Variants in CSTF3 observed in about 807,000 individuals in gnomAD.
CSTF3 encodes the protein CF-1 77 kDa subunit.
In CSTF3, 29 loss-of-function variants were observed where a neutral mutation model predicts 105.8. The ratio of observed to expected loss-of-function variants is 0.27; its 90% CI spans 0.20 to 0.37. The LOEUF (loss-of-function observed/expected upper bound fraction) is 0.37. Ranked by LOEUF, CSTF3 falls within the 10% of genes least tolerant of loss-of-function variation. The probability of loss-of-function intolerance (pLI) is 1.00; values close to 1 mark genes in which losing one functional copy is unlikely to be tolerated. For missense variants in CSTF3, 357 were observed against 879.3 expected (o/e 0.41, Z 7.51); for synonymous variants, 252 against 281.9 (o/e 0.89, Z 1.06).
At chr11:33,150,562 A>C (rs1033034742) in intron 1 of CSTF3, among the ~76,000 whole-genome samples, 3 of 152,170 alleles carry the variant, frequency 2.0e-5, no homozygotes, top group African/African-American at 7.2e-5. Context: ...GGCTAAAAGA[A>C]AGAAGGTAGG....
At position 33,161,425 on chromosome 11, in the gene CSTF3, GC is replaced by G; in HGVS notation, c.-101del. 7.8e-7 allele frequency: 1 copy of G among 1,286,746 alleles called. No individual in the cohort carries two copies. The highest frequency in any genetic ancestry group is 1.1e-6 in the Non-Finnish European group (1 of 901,532). 79.7% of individuals were successfully genotyped at this position (1,286,746 alleles called of 1,614,324 possible). A position where few individuals can be genotyped will look rare whatever the true frequency, so the allele number is the denominator to read the frequency against. The stretch of plus-strand genomic sequence containing the variant: ...CCCCAAATCAGTAAAGTTACCCCCT[GC>G]CCAGCTGAGCCAGACCGCCAACACC... On this transcript the variant is annotated 5_prime_UTR_variant, in exon 1 of 21. Transcript: ENST00000323959.
rs142675528 is a variant in CSTF3 at position 33,106,407 on chromosome 11, C to T, written c.357-343G>A. Among the ~76,000 whole-genome samples, 16 of 151,918 alleles carry T rather than the reference C, an allele frequency of 1.1e-4. No individual in the cohort carries two copies. In the East Asian group the frequency reaches 3.1e-3, roughly 29 times the overall value. On this transcript the variant is annotated intron_variant, in intron 5 of 20. Coordinates refer to ENST00000323959, the MANE Select transcript of CSTF3 (RefSeq NM_001326.3). ...CTTCAGCCTGGGTGACAGAGCAAGA[C>T]CCTGTCTCTAAAAAAAATTAAAAAT...
At chr11:33,094,786 GATTT>G (rs1405540964) in intron 15 of CSTF3, among the ~76,000 whole-genome samples, 1 of 151,854 alleles carries the variant, frequency 6.6e-6, no homozygotes, top group African/African-American at 2.4e-5. Context: ...TAAAATTACT[GATTT>G]ATACCTATGA....
At chr11:33,114,887 T>A (rs1245248097) in intron 3 of CSTF3, among the ~76,000 whole-genome samples, 1 of 151,922 alleles carries the variant, frequency 6.6e-6, no homozygotes, top group Non-Finnish European at 1.5e-5. Flanking sequence ...CTGACATAAC[T>A]CTATAGAGGA....
At chr11:33,150,421 G>A (rs771220445) in intron 1 of CSTF3, among the ~76,000 whole-genome samples, 2 of 151,960 alleles carry the variant, frequency 1.3e-5, no homozygotes, top group Non-Finnish European at 2.9e-5. Flanking sequence ...TTTTTCAGGC[G>A]ATGTTAATGG....
chr11:33,142,732 G>A (rs1018685058), intron 1 of CSTF3, among the ~76,000 whole-genome samples: 2 of 151,072 alleles, frequency 1.3e-5, no homozygotes, highest in African/African-American at 4.9e-5. Flanking sequence ...CTTTTTACAT[G>A]TTTTTTCTTT....
intron 3 of CSTF3, among the ~76,000 whole-genome samples, chr11:33,138,045 T>C (rs2133796715): frequency 6.6e-6 from 1 of 151,902 alleles, no homozygotes; most frequent in Admixed American, 6.6e-5. Context: ...CAACCCATTA[T>C]TTATAAGGAA....
At chr11:33,114,444 C>T (rs760125543) in intron 3 of CSTF3, among the ~76,000 whole-genome samples, 1 of 142,572 alleles carries the variant, frequency 7.0e-6, no homozygotes. Context: ...CAATTTTTTC[C>T]CTTATCCCTT....
At chr11:33,125,803 T>C (rs1372802920) in intron 3 of CSTF3, among the ~76,000 whole-genome samples, 1 of 152,204 alleles carries the variant, frequency 6.6e-6, no homozygotes, top group Non-Finnish European at 1.5e-5. Context: ...AGTTTGGCAG[T>C]TGCTTTCAGG....
At chr11:33,117,474 A>G (rs1855441435) in intron 3 of CSTF3, among the ~76,000 whole-genome samples, 1 of 152,024 alleles carries the variant, frequency 6.6e-6, no homozygotes, top group Admixed American at 6.6e-5. Context: ...CATTTATTAA[A>G]TATTTAATGT....
intron 15 of CSTF3, 129 bp from the exon 16 acceptor site, chr11:33,092,469 AT>A: frequency 1.9e-6 from 1 of 539,360 alleles, no homozygotes; most frequent in South Asian, 3.1e-5. Context: ...ATCACACTTG[AT>A]TTTTATAGAT....
chr11:33,149,914 G>A (rs936204464), intron 1 of CSTF3, among the ~76,000 whole-genome samples: 1 of 152,196 alleles, frequency 6.6e-6, no homozygotes, highest in Non-Finnish European at 1.5e-5. Flanking sequence ...AGCTACGTGG[G>A]AGGCTGAGGC....
At chr11:33,143,334 A>G (rs527884092) in intron 1 of CSTF3, among the ~76,000 whole-genome samples, 28 of 152,118 alleles carry the variant, frequency 1.8e-4, no homozygotes, top group Non-Finnish European at 3.4e-4. Flanking sequence ...TTAATTTTTG[A>G]AAAAAATGCC....
intron 3 of CSTF3, among the ~76,000 whole-genome samples, chr11:33,123,156 T>G (rs895459717): frequency 7.9e-5 from 12 of 151,652 alleles, no homozygotes; most frequent in Non-Finnish European, 1.6e-4. Context: ...AAAGTTTCCC[T>G]TAACTTCCCT....
At chr11:33,092,849 G>C (rs556284765) in intron 15 of CSTF3, among the ~76,000 whole-genome samples, 30 of 152,262 alleles carry the variant, frequency 2.0e-4, no homozygotes, top group African/African-American at 5.5e-4. Context: ...TAGGTTGGCA[G>C]GTAACTATGG....
intron 3 of CSTF3, among the ~76,000 whole-genome samples, chr11:33,138,634 A>C (rs1001283860): frequency 1.3e-5 from 2 of 151,848 alleles, no homozygotes; most frequent in Non-Finnish European, 3.0e-5. Flanking sequence ...AAGAAGTCAC[A>C]AAAGTACTTT....
At chr11:33,107,758 T>C (rs903269770) in intron 5 of CSTF3, 145 bp downstream of exon 5, 27 of 524,906 alleles carry the variant, frequency 5.1e-5, no homozygotes, top group East Asian at 4.5e-4. Flanking sequence ...AGCACTTTTT[T>C]CAAGGTTACT....
chr11:33,156,582 A>C (rs1849868858), intron 1 of CSTF3: 2 of 395,822 alleles, frequency 5.1e-6, no homozygotes, highest in Non-Finnish European at 1.0e-5. Flanking sequence ...ACCAGCAATT[A>C]ATTTGCGCTT....
At chr11:33,154,406 A>G (rs1420074917) in intron 1 of CSTF3, among the ~76,000 whole-genome samples, 3 of 151,512 alleles carry the variant, frequency 2.0e-5, no homozygotes, top group Non-Finnish European at 4.4e-5. Flanking sequence ...TGAATATACT[A>G]TATATTTGAA....
Sources: allele counts gnomAD v4.1 joint callset (sites outside exome capture counted in the v4.1 genomes callset), GRCh38; gene constraint gnomAD v4.1.1; transcripts MANE v1.5; gene names NCBI Gene and HGNC (gene_info 2026-07-23, HGNC 2026-07-21).